The following ABCC11 variants were observed in gnomAD, a reference collection of about 807,000 sequenced individuals.
ABCC11 encodes the protein ATP-binding cassette sub-family C member 11.
ABCC11 carries 135 observed loss-of-function variants against 149.3 expected under a neutral mutation model. The observed-to-expected ratio is 0.90, with a 90% confidence interval of 0.79 to 1.04. The LOEUF (loss-of-function observed/expected upper bound fraction) is 1.04, where lower values mean the gene tolerates loss of function less well. Among genes scored for constraint, ABCC11 ranks in the 50% least tolerant of loss-of-function variants. The probability of loss-of-function intolerance (pLI) is 0.00; values close to 1 mark genes in which losing one functional copy is unlikely to be tolerated. For synonymous variants in ABCC11, 665 were observed against 671.4 expected, an observed-to-expected ratio of 0.99 and a Z score of 0.15; for missense variants, 1,680 against 1,722.1, an observed-to-expected ratio of 0.98 and a Z score of 0.43.
chr16:48,207,157 G>A (rs1045362696), intron 12 of ABCC11, among the ~76,000 whole-genome samples: 2 of 152,106 alleles, frequency 1.3e-5, no homozygotes, highest in African/African-American at 4.8e-5. Flanking sequence ...CCCAGTGTTG[G>A]GGGAACAAGG....
intron 20 of ABCC11, among the ~76,000 whole-genome samples, chr16:48,189,867 C>T (rs376316176): frequency 2.0e-5 from 3 of 152,178 alleles, no homozygotes; most frequent in African/African-American, 7.2e-5. Flanking sequence ...AATTTGCATT[C>T]AGTCTACAAG....
At chr16:48,171,406 C>T (rs1036127019) in intron 26 of ABCC11, among the ~76,000 whole-genome samples, 25 of 152,280 alleles carry the variant, frequency 1.6e-4, no homozygotes, top group Admixed American at 1.4e-3. Context: ...ACACATGGAG[C>T]CCCCCAGGGC....
At chr16:48,203,913 G>A (rs941936632) in intron 13 of ABCC11, among the ~76,000 whole-genome samples, 2 of 152,224 alleles carry the variant, frequency 1.3e-5, no homozygotes, top group Admixed American at 6.5e-5. Flanking sequence ...TATTTATTCA[G>A]AAATAATCTA....
At position 48,200,407 on chromosome 16, in the gene ABCC11, C is replaced by A; in HGVS notation, c.1951G>T (p.Asp651Tyr). The A allele has an allele frequency of 4.3e-6, 7 of 1,614,238 alleles. No homozygotes were observed. The highest frequency in any genetic ancestry group is 5.9e-6 in the Non-Finnish European group (7 of 1,180,044). ...RISLARAVYS[D>Y]RQIYLLDDPL... is the part of the protein sequence containing the mutation. ...TCGTCCAGCAGGTAGATCTGACGGTCGGAATAGACGGCGCGGGCCAGGCTG... is the reference window on the plus strand; with the variant it reads ...TCGTCCAGCAGGTAGATCTGACGGTAGGAATAGACGGCGCGGGCCAGGCTG... The change falls in exon 15 of 30, where the codon GAC becomes TAC. Residue 651 changes from aspartate to tyrosine, a missense_variant. Coordinates refer to ENST00000356608, the MANE Select transcript of ABCC11 (RefSeq NM_001370497.1).
rs60681475 is a variant in ABCC11, at chr16:48,170,219, C to T, written c.3778-1G>A. On this transcript the variant is annotated splice_acceptor_variant, in intron 27 of 29. Coordinates refer to ENST00000356608, the MANE Select transcript of ABCC11 (RefSeq NM_001370497.1). LOFTEE classifies it high-confidence loss of function. Reference sequence around the variant, plus strand: ...GCAGCTTTTTGGGGAACTTTGAGATCTGCGATATGGGAAGAAGAGACAACA... The same window carrying T: ...GCAGCTTTTTGGGGAACTTTGAGATTTGCGATATGGGAAGAAGAGACAACA... 0.013 allele frequency: 21,507 copies of T among 1,610,874 alleles called. 186 individuals carry two copies. The highest frequency in any genetic ancestry group is 0.016 in the Non-Finnish European group (18,445 of 1,177,092).
rs117372024 is a variant in ABCC11, at chr16:48,187,951, C to T, written c.2707-524G>A. ...GGGGTGGAAGCCACTTTCCATAAGA[C>T]AGGCCCACCAGTGTGTCGTGTCAGT... On this transcript the variant is annotated intron_variant, in intron 20 of 29. Coordinates refer to ENST00000356608, the MANE Select transcript of ABCC11 (RefSeq NM_001370497.1). Among the ~76,000 whole-genome samples, 217 of 152,254 alleles carry T rather than the reference C, an allele frequency of 1.4e-3. 1 individual carries two copies. Among genetic ancestry groups the T allele is most frequent in the Admixed American group, 3.1e-3 (47 of 15,292 alleles).
intron 28 of ABCC11, 65 bp downstream of exon 28, chr16:48,170,040 G>T: frequency 7.6e-7 from 1 of 1,318,388 alleles, no homozygotes; most frequent in Non-Finnish European, 1.1e-6. Context: ...GAGGGAGCCG[G>T]TGTGGCTTCC....
At chr16:48,191,482 T>C (rs1966919364) in intron 20 of ABCC11, among the ~76,000 whole-genome samples, 1 of 152,200 alleles carries the variant, frequency 6.6e-6, no homozygotes, top group Non-Finnish European at 1.5e-5. Context: ...TGCAGTAAGC[T>C]GTGATCACAC....
intron 1 of ABCC11, among the ~76,000 whole-genome samples, chr16:48,242,496 C>T (rs1971018629): frequency 6.6e-6 from 1 of 152,148 alleles, no homozygotes; most frequent in Non-Finnish European, 1.5e-5. Flanking sequence ...GGCAATTCCT[C>T]AAGGATCTGG....
intron 1 of ABCC11, among the ~76,000 whole-genome samples, chr16:48,239,170 C>T (rs1252069997): frequency 6.6e-6 from 1 of 152,110 alleles, no homozygotes; most frequent in Non-Finnish European, 1.5e-5. Context: ...GCTGGGAGAA[C>T]TGGTTAGCCA....
Position 48,167,360 on chromosome 16 carries a change from C to G in ABCC11, c.4063G>C (p.Glu1355Gln). 1 of 1,340,642 alleles carries G rather than the reference C, an allele frequency of 7.5e-7. No individual in the cohort carries two copies. The highest frequency in any genetic ancestry group is 1.1e-6 in the Non-Finnish European group (1 of 930,336). The allele number at this position is 1,340,642 out of a possible 1,614,324, so 83.0% of individuals were successfully genotyped here. A position where few individuals can be genotyped will look rare whatever the true frequency, so the allele number is the denominator to read the frequency against. Residue 1355 changes from glutamate (E) to glutamine (Q), a missense_variant, in exon 30 of 30, where the codon GAA becomes CAA. Glu to Gln is a conservative substitution (Grantham distance 29, BLOSUM62 2). Coordinates refer to ENST00000356608, the MANE Select transcript of ABCC11 (RefSeq NM_001370497.1). ...ILVMGNGKVV[E>Q]FDRPEVLRKK... ...CGCAGTACCTCCGGCCGATCAAATT[C>G]TACCACCTGGAGGGTAGAGAAAGGC...
At chr16:48,193,648 T>G (rs528598015) in intron 19 of ABCC11, among the ~76,000 whole-genome samples, 1 of 152,320 alleles carries the variant, frequency 6.6e-6, no homozygotes, top group African/African-American at 2.4e-5. Flanking sequence ...ATAAATCTCT[T>G]GGTTTTCCAG....
chr16:48,226,638 G>A (rs1321984011), intron 4 of ABCC11, among the ~76,000 whole-genome samples: 2 of 152,166 alleles, frequency 1.3e-5, no homozygotes, highest in Non-Finnish European at 1.5e-5. Flanking sequence ...TGATATCATA[G>A]TAAGAGGTGA....
chr16:48,236,696 A>T (rs1349532083), intron 1 of ABCC11, among the ~76,000 whole-genome samples: 1 of 152,254 alleles, frequency 6.6e-6, no homozygotes, highest in Non-Finnish European at 1.5e-5. Flanking sequence ...GGTGTTCTCC[A>T]AAGTAGGCTG....
chr16:48,181,834 C>T (rs538200285), intron 23 of ABCC11, among the ~76,000 whole-genome samples: 11 of 152,180 alleles, frequency 7.2e-5, no homozygotes, highest in African/African-American at 1.4e-4. Flanking sequence ...AGGATAGTCT[C>T]GATCTCCTGA....
At chr16:48,241,956 A>G (rs185759557) in intron 1 of ABCC11, among the ~76,000 whole-genome samples, 59 of 152,358 alleles carry the variant, frequency 3.9e-4, no homozygotes, top group African/African-American at 1.3e-3. Context: ...AAGAAAACCT[A>G]GGCAATATCA....
intron 23 of ABCC11, among the ~76,000 whole-genome samples, chr16:48,179,921 CA>C (rs1173190982): frequency 6.6e-6 from 1 of 152,192 alleles, no homozygotes; most frequent in Admixed American, 6.5e-5. Context: ...ATGGCTGAAA[CA>C]AAAGGGTGTA....
At chr16:48,169,058 T>A (rs1266944300) in intron 28 of ABCC11, among the ~76,000 whole-genome samples, 3 of 152,254 alleles carry the variant, frequency 2.0e-5, no homozygotes, top group South Asian at 2.1e-4. Context: ...AAAGTAAATT[T>A]AAAAAATATA....
intron 13 of ABCC11, among the ~76,000 whole-genome samples, chr16:48,203,932 T>C (rs1271190239): frequency 6.6e-6 from 1 of 152,250 alleles, no homozygotes; most frequent in African/African-American, 2.4e-5. Flanking sequence ...TATTCGTATA[T>C]GGATGTGTAC....
Sources: allele counts gnomAD v4.1 joint callset (sites outside exome capture counted in the v4.1 genomes callset), GRCh38; gene constraint gnomAD v4.1.1; transcripts MANE v1.5; gene names NCBI Gene and HGNC (gene_info 2026-07-23, HGNC 2026-07-21).